PDE1A: variants seen among roughly 807,000 people sequenced by gnomAD.
PDE1A encodes phosphodiesterase 1A.
PDE1A carries 35 observed loss-of-function variants against 61.7 expected under a neutral mutation model. The observed-to-expected ratio is 0.57, with a 90% CI of 0.43 to 0.75. The LOEUF is 0.75. Ranked by LOEUF, PDE1A falls within the 30% of genes least tolerant of loss-of-function variation. PDE1A has a pLI of 0.00. For synonymous variants in PDE1A, 232 were observed against 213.2 expected (o/e 1.09, Z -0.77); for missense variants, 597 against 630.6 (o/e 0.95, Z 0.57).
chr2:182,475,019 G>C (rs1687263879), intron 2 of PDE1A, among the ~76,000 whole-genome samples: 1 of 151,934 alleles, frequency 6.6e-6, no homozygotes, highest in African/African-American at 2.4e-5. Context: ...GGTATCCCTT[G>C]TCACAGCACT....
At chr2:182,387,491 C>A (rs534551971) in intron 1 of PDE1A, among the ~76,000 whole-genome samples, 5 of 151,712 alleles carry the variant, frequency 3.3e-5, no homozygotes, top group Non-Finnish European at 7.4e-5. Context: ...GGTGTGGTGG[C>A]TCACGCCTGT....
chr2:182,414,461 C>G (rs983236739), intron 1 of PDE1A, among the ~76,000 whole-genome samples: 1 of 152,090 alleles, frequency 6.6e-6, no homozygotes, highest in African/African-American at 2.4e-5. Context: ...TCTAAGGTGA[C>G]CTTCAATGTC....
intron 1 of PDE1A, among the ~76,000 whole-genome samples, chr2:182,414,945 C>T (rs1702825636): frequency 6.6e-6 from 1 of 152,084 alleles, no homozygotes; most frequent in Non-Finnish European, 1.5e-5. Context: ...ATGTTTAGCT[C>T]AGTGGTCATT....
the PDE1A span, among the ~76,000 whole-genome samples, chr2:182,679,169 A>AATT: frequency 7.4e-3 from 1,078 of 145,102 alleles, 10 homozygotes; most frequent in African/African-American, 0.024. Flanking sequence ...CATGCCTGGA[A>AATT]ATTATTATTA....
At chr2:182,191,118 T>G (rs1428495204) in intron 10 of PDE1A, among the ~76,000 whole-genome samples, 2 of 152,156 alleles carry the variant, frequency 1.3e-5, no homozygotes, top group African/African-American at 4.8e-5. Flanking sequence ...AGAGGGATCA[T>G]CTTTTTCTCC....
intron 2 of PDE1A, among the ~76,000 whole-genome samples, chr2:182,453,475 G>C (rs1018269917): frequency 1.3e-5 from 2 of 151,298 alleles, no homozygotes; most frequent in African/African-American, 2.4e-5. Flanking sequence ...TTTAACAGAC[G>C]AATTTGCAAT....
chr2:182,361,480 G>A (rs1321438261), intron 1 of PDE1A, among the ~76,000 whole-genome samples: 6 of 152,116 alleles, frequency 3.9e-5, no homozygotes, highest in South Asian at 4.1e-4. Context: ...TGTCTAATAG[G>A]TTTTATTCAA....
intron 13 of PDE1A, among the ~76,000 whole-genome samples, chr2:182,174,226 G>GA (rs1030859094): frequency 2.6e-4 from 39 of 152,032 alleles, no homozygotes; most frequent in Admixed American, 2.2e-3. Flanking sequence ...AATATTCACT[G>GA]AAAAAGCCTC....
the PDE1A span, among the ~76,000 whole-genome samples, chr2:182,605,564 A>T: frequency 6.6e-6 from 1 of 152,226 alleles, no homozygotes. Context: ...GGTAAGAAAT[A>T]AACCTGTTTT....
intron 13 of PDE1A, among the ~76,000 whole-genome samples, chr2:182,185,023 C>T (rs1435305302): frequency 6.6e-6 from 1 of 152,068 alleles, no homozygotes; most frequent in Non-Finnish European, 1.5e-5. Flanking sequence ...AATATTGTGT[C>T]TTTCTGACTA....
chr2:182,214,099 G>T (rs1427102277), intron 7 of PDE1A, among the ~76,000 whole-genome samples: 1 of 150,580 alleles, frequency 6.6e-6, no homozygotes, highest in Non-Finnish European at 1.5e-5. Flanking sequence ...CCAGAAGAGA[G>T]TGGGGGCCAA....
intron 4 of PDE1A, among the ~76,000 whole-genome samples, chr2:182,232,262 T>C (rs1417307578): frequency 2.0e-5 from 3 of 152,196 alleles, no homozygotes; most frequent in Admixed American, 6.5e-5. Flanking sequence ...TGAAAATCTA[T>C]AGAAGCACTG....
chr2:182,516,698 A>AAGGG (rs1310410067), intron 2 of PDE1A, among the ~76,000 whole-genome samples: 9 of 100,722 alleles, frequency 8.9e-5, no homozygotes, highest in Non-Finnish European at 1.4e-4. Flanking sequence ...GGAAGGGAGG[A>AAGGG]AGGGAGGAAG....
At chr2:182,426,958 A>T in exon 1 of PDE1A, 1 of 1,047,940 alleles carries the variant, frequency 9.5e-7, no homozygotes, top group Non-Finnish European at 1.1e-6. Context: ...TTCCTACCCC[A>T]GTGTCATCCA....
intron 1 of PDE1A, 55 bp downstream of exon 1, chr2:182,426,523 G>C: frequency 8.3e-7 from 1 of 1,203,316 alleles, no homozygotes; most frequent in Non-Finnish European, 1.2e-6. Flanking sequence ...AGGATGAAGG[G>C]AGAAACTATT....
chr2:182,551,354 G>A, the PDE1A span, among the ~76,000 whole-genome samples: 1 of 152,140 alleles, frequency 6.6e-6, no homozygotes, highest in Non-Finnish European at 1.5e-5. Context: ...AGAGAGTGAT[G>A]GTGATCCAGA....
the PDE1A span, among the ~76,000 whole-genome samples, chr2:182,548,297 G>C: frequency 6.6e-6 from 1 of 152,120 alleles, no homozygotes; most frequent in Admixed American, 6.6e-5. Context: ...ATAGTTCCCT[G>C]ACTTTCAATT....
intron 1 of PDE1A, among the ~76,000 whole-genome samples, chr2:182,374,382 G>T (rs1480895374): frequency 3.9e-5 from 6 of 151,904 alleles, no homozygotes; most frequent in Non-Finnish European, 7.4e-5. Flanking sequence ...GCTTATAAAA[G>T]AAAATACAGG....
chr2:182,655,842 G>A, the PDE1A span, among the ~76,000 whole-genome samples: 2 of 152,128 alleles, frequency 1.3e-5, no homozygotes, highest in Non-Finnish European at 2.9e-5. Context: ...TCTAATTTAG[G>A]AAACCTGCCA....
Sources: allele counts gnomAD v4.1 joint callset (sites outside exome capture counted in the v4.1 genomes callset), GRCh38; gene constraint gnomAD v4.1.1; transcripts MANE v1.5; gene names NCBI Gene and HGNC (gene_info 2026-07-23, HGNC 2026-07-21).